HS1BP3: variants seen among roughly 807,000 people sequenced by gnomAD.
The protein encoded by HS1BP3 is HCLS1-binding protein 3.
In HS1BP3, 32 loss-of-function variants were observed where a neutral mutation model predicts 33.5. The ratio of observed to expected loss-of-function variants is 0.95; its 90% CI spans 0.72 to 1.28. The LOEUF (loss-of-function observed/expected upper bound fraction) is 1.28. Ranked by LOEUF, HS1BP3 falls within the 50% of genes most tolerant of loss-of-function variation. HS1BP3 has a pLI of 0.00. For missense variants in HS1BP3, 486 were observed against 502.3 expected, an observed-to-expected ratio of 0.97 and a Z score of 0.31; for synonymous variants, 187 against 209.2, an observed-to-expected ratio of 0.89 and a Z score of 0.92.
chr2:20,626,262 C>T (rs761702761), intron 4 of HS1BP3, among the ~76,000 whole-genome samples: 3 of 152,244 alleles, frequency 2.0e-5, no homozygotes, highest in Non-Finnish European at 4.4e-5. Context: ...GGCACCCAGC[C>T]GAGGCGAGGA....
At chr2:20,577,933 A>G (rs750488312) in intron 5 of HS1BP3, among the ~76,000 whole-genome samples, 53 of 152,244 alleles carry the variant, frequency 3.5e-4, no homozygotes, top group Non-Finnish European at 5.6e-4. Context: ...GCCTCAGGGC[A>G]CTCGTTCCTC....
At chr2:20,602,203 G>A (rs1228175796) in intron 2 of HS1BP3, among the ~76,000 whole-genome samples, 1 of 151,220 alleles carries the variant, frequency 6.6e-6, no homozygotes, top group African/African-American at 2.4e-5. Context: ...TCTCCTTTTA[G>A]GAGGAGCCAT....
chr2:20,634,365 G>A (rs1055932022), intron 4 of HS1BP3, among the ~76,000 whole-genome samples: 1 of 152,242 alleles, frequency 6.6e-6, no homozygotes, highest in African/African-American at 2.4e-5. Flanking sequence ...ATCTGAGGGG[G>A]GCCTGGAATC....
intron 5 of HS1BP3, among the ~76,000 whole-genome samples, chr2:20,573,811 G>C (rs1308988455): frequency 5.5e-4 from 84 of 152,328 alleles, no homozygotes; most frequent in Non-Finnish European, 1.9e-4. Flanking sequence ...ATTCATCGGT[G>C]CTGACCTCGA....
downstream of HS1BP3, among the ~76,000 whole-genome samples, chr2:20,591,633 G>T (rs555472432): frequency 6.6e-6 from 1 of 152,146 alleles, no homozygotes; most frequent in Admixed American, 6.5e-5. Context: ...GTACAGTGGC[G>T]CGATCTTGGC....
At chr2:20,554,317 G>A in the HS1BP3 span, among the ~76,000 whole-genome samples, 85 of 152,290 alleles carry the variant, frequency 5.6e-4, no homozygotes, top group East Asian at 1.7e-3. Flanking sequence ...CTGGTCATGC[G>A]TCTCAATAGC....
At chr2:20,562,853 A>G (rs1435849) in intron 5 of HS1BP3, among the ~76,000 whole-genome samples, 130,426 of 152,198 alleles carry the variant, frequency 0.86, 56,063 homozygotes, top group Admixed American at 0.9. Flanking sequence ...TGAGCTGTGT[A>G]TGAGAGAAAG....
chr2:20,577,203 C>T (rs1299495350), intron 5 of HS1BP3, among the ~76,000 whole-genome samples: 1 of 152,044 alleles, frequency 6.6e-6, no homozygotes, highest in African/African-American at 2.4e-5. Flanking sequence ...CACTGATATT[C>T]ATGTACAATT....
At chr2:20,555,184 G>A in the HS1BP3 span, among the ~76,000 whole-genome samples, 19 of 152,292 alleles carry the variant, frequency 1.2e-4, no homozygotes, top group South Asian at 1.7e-3. Context: ...CCCATGCGAC[G>A]CTAGGAACTG....
rs545435483 is a variant in HS1BP3 at position 20,567,211 on chromosome 2, T to G, written c.303-6696A>C. On this transcript the variant is annotated intron_variant, in intron 5 of 5. Transcript: ENST00000446825. Reference sequence around the variant, plus strand: ...GAGAAAAGGTCACATCCTTAGTAAGTGGCAGCAGCACGGGACTCACATCAA... The same window carrying G: ...GAGAAAAGGTCACATCCTTAGTAAGGGGCAGCAGCACGGGACTCACATCAA... Among the ~76,000 whole-genome samples, 7 of 151,700 alleles carry G rather than the reference T, an allele frequency of 4.6e-5. No homozygotes were observed. The South Asian group carries it at 1.5e-3, about 32-fold the overall frequency.
chr2:20,585,993 G>A (rs962446907), intron 5 of HS1BP3, among the ~76,000 whole-genome samples: 2 of 150,864 alleles, frequency 1.3e-5, no homozygotes, highest in Non-Finnish European at 3.0e-5. Context: ...GCTAGAACTC[G>A]CAGATTCCGG....
intron 2 of HS1BP3, among the ~76,000 whole-genome samples, chr2:20,609,161 G>A (rs1336381726): frequency 6.6e-6 from 1 of 152,230 alleles, no homozygotes; most frequent in Non-Finnish European, 1.5e-5. Context: ...TGCAGGATGA[G>A]CACCGTCCTT....
rs138658836 is a variant in HS1BP3 at position 20,601,223 on chromosome 2, A to G, written c.179-2958T>C. Among the ~76,000 whole-genome samples, 14 of 152,358 alleles carry G rather than the reference A, an allele frequency of 9.2e-5. No homozygotes were observed. The East Asian group carries it at 2.7e-3, about 29-fold the overall frequency. ...AGCAGAAGAGTTTGTATCTGCACTA[A>G]GCAGCTTCAGATTACTTCCCTTACT... On this transcript the variant is annotated intron_variant, in intron 2 of 3. Transcript: ENST00000415264.
In HS1BP3 at chr2:20,595,856, T is replaced by A. The variant is rs115209288; in HGVS notation, c.*12+2352A>T. Among the ~76,000 whole-genome samples the A allele has an allele frequency of 9.6e-3, 1,454 of 152,074 alleles. 28 individuals are homozygous for A. The highest frequency in any genetic ancestry group is 0.033 in the African/African-American group (1,364 of 41,468). ...CAGGCCTCTTGGGGCCCCTGACACC[T>A]CCAAGTGGCCAAAAAAAAGGTCATA... On this transcript the variant is annotated intron_variant, in intron 3 of 3. Coordinates refer to the HS1BP3 transcript ENST00000415264.
chr2:20,593,182 G>T (rs184266250), intron 3 of HS1BP3, among the ~76,000 whole-genome samples: 1 of 151,474 alleles, frequency 6.6e-6, no homozygotes, highest in South Asian at 2.1e-4. Flanking sequence ...CATCAGCATC[G>T]TCAGGTTTAG....
rs966972003 is a variant in HS1BP3, at chr2:20,618,729, C to T, written c.*258G>A. 7.7e-7 allele frequency: 1 copy of T among 1,296,654 alleles called. No homozygotes were observed. Among genetic ancestry groups the T allele is most frequent in the South Asian group, 2.4e-5 (1 of 41,586 alleles). The allele number at this position is 1,296,654 out of a possible 1,614,324, so 80.3% of individuals were successfully genotyped here. ...CAAGGCATCCCCACACCCTCCCTCC[C>T]CTTCATGTCCACGGGGAATAAGACA... On this transcript the variant is annotated 3_prime_UTR_variant, in exon 7 of 7. Transcript: ENST00000304031.
intron 1 of HS1BP3, among the ~76,000 whole-genome samples, chr2:20,649,586 TAC>T (rs1695623156): frequency 6.6e-6 from 1 of 152,208 alleles, no homozygotes. Flanking sequence ...CAGTACCCGG[TAC>T]AGAGAAGGCT....
At chr2:20,568,872 G>A (rs943533914) in intron 5 of HS1BP3, among the ~76,000 whole-genome samples, 3 of 152,206 alleles carry the variant, frequency 2.0e-5, no homozygotes, top group Admixed American at 6.5e-5. Context: ...ACCTCCCAAG[G>A]GACTCATCAG....
intron 1 of HS1BP3, among the ~76,000 whole-genome samples, chr2:20,648,986 C>T (rs1384206081): frequency 6.6e-6 from 1 of 152,188 alleles, no homozygotes; most frequent in Non-Finnish European, 1.5e-5. Context: ...AGAACCCAAA[C>T]ATTTCTCACC....
Sources: allele counts gnomAD v4.1 joint callset (sites outside exome capture counted in the v4.1 genomes callset), GRCh38; gene constraint gnomAD v4.1.1; transcripts MANE v1.5; gene names NCBI Gene and HGNC (gene_info 2026-07-23, HGNC 2026-07-21).